Variants in TBCK observed in about 807,000 individuals in gnomAD.
TBCK encodes TBC domain-containing protein kinase-like protein.
TBCK carries 99 observed loss-of-function variants against 113.4 expected under a neutral mutation model. That is an observed-to-expected ratio of 0.87 (90% CI 0.74 to 1.03). The LOEUF (loss-of-function observed/expected upper bound fraction) is 1.03. TBCK is among the 50% of genes least tolerant of loss of function. TBCK has a pLI of 0.00. For synonymous variants in TBCK, 369 were observed against 370.8 expected (o/e 1.00, Z 0.05); for missense variants, 1,045 against 1,061.3 (o/e 0.98, Z 0.21).
chr4:106,316,356 C>G (rs1225146992), upstream of TBCK: 4 of 580,246 alleles, frequency 6.9e-6, no homozygotes, highest in South Asian at 2.1e-5. Context: ...TGCGGGGGGA[C>G]GGGGGGGGTC....
At chr4:106,207,747 C>A (rs1755692425) in intron 20 of TBCK, among the ~76,000 whole-genome samples, 1 of 152,020 alleles carries the variant, frequency 6.6e-6, no homozygotes, top group Non-Finnish European at 1.5e-5. Flanking sequence ...AATTAAAAAA[C>A]AAACACAAAG....
chr4:106,211,147 T>C (rs1026572007), intron 20 of TBCK, among the ~76,000 whole-genome samples: 2 of 152,128 alleles, frequency 1.3e-5, no homozygotes, highest in Non-Finnish European at 2.9e-5. Context: ...ATTAGGTGCC[T>C]TTACAAAAAT....
At chr4:106,154,332 A>T (rs1324744876) in intron 23 of TBCK, among the ~76,000 whole-genome samples, 1 of 152,166 alleles carries the variant, frequency 6.6e-6, no homozygotes, top group Non-Finnish European at 1.5e-5. Flanking sequence ...TGAACAAGCA[A>T]AAAGAAAATT....
intron 23 of TBCK, among the ~76,000 whole-genome samples, chr4:106,135,088 G>A (rs181019597): frequency 1.1e-3 from 174 of 152,186 alleles, no homozygotes; most frequent in Non-Finnish European, 2.1e-3. Context: ...TTGACAAATA[G>A]TTGATGAACT....
At chr4:106,064,589 AGTTT>A (rs1174184802) in intron 25 of TBCK, among the ~76,000 whole-genome samples, 8 of 151,928 alleles carry the variant, frequency 5.3e-5, no homozygotes, top group African/African-American at 1.9e-4. Flanking sequence ...AGATTCCTCC[AGTTT>A]CTTTTGTAGA....
upstream of TBCK, chr4:106,316,440 A>C: frequency 9.0e-7 from 1 of 1,114,116 alleles, no homozygotes; most frequent in Non-Finnish European, 1.3e-6. Flanking sequence ...GAGCACAGGA[A>C]GAGGAAGAAA....
Position 106,141,610 on chromosome 4 carries a change from CAAATA to C in TBCK, c.2236-25237_2236-25233del, listed in dbSNP as rs1747150560. 6.4e-5 allele frequency among the ~76,000 whole-genome samples: 9 copies of C among 139,664 alleles called. 2 individuals carry two copies. The South Asian group carries it at 2.2e-3, about 34-fold the overall frequency. 91.6% of individuals were successfully genotyped at this position (139,664 alleles called of 152,430 possible). On this transcript the variant is annotated intron_variant, in intron 23 of 25. Coordinates refer to ENST00000394708, the MANE Select transcript of TBCK (RefSeq NM_001163435.3). ...AATCTTTCTATGTATCAAAAACAAT[CAAATA>C]AAATGTAATGAAATAAGATATCCCA... is the stretch of plus-strand genomic sequence containing the variant.
chr4:106,091,560 T>C (rs1304929776), intron 25 of TBCK, among the ~76,000 whole-genome samples: 1 of 152,084 alleles, frequency 6.6e-6, no homozygotes, highest in Non-Finnish European at 1.5e-5. Context: ...CGCTGGCTCA[T>C]GAGTGAAGCT....
chr4:106,068,675 C>G (rs572680685), intron 25 of TBCK, among the ~76,000 whole-genome samples: 12 of 152,246 alleles, frequency 7.9e-5, no homozygotes, highest in Non-Finnish European at 1.5e-4. Context: ...GTAATGGGAT[C>G]ACTGGGTCAA....
chr4:106,093,821 CTAAAA>C (rs36202124), intron 25 of TBCK, among the ~76,000 whole-genome samples: 42,158 of 151,530 alleles, frequency 0.28, 6,068 homozygotes, highest in Non-Finnish European at 0.33. Context: ...ATCCCTGAAC[CTAAAA>C]TAAAAGTTAA....
chr4:106,241,824 ATTAC>A (rs946735890), intron 12 of TBCK, among the ~76,000 whole-genome samples: 4 of 152,094 alleles, frequency 2.6e-5, no homozygotes, highest in African/African-American at 9.6e-5. Context: ...TAACCTTGCT[ATTAC>A]TTTAAATAAG....
chr4:106,119,156 T>A (rs1394129890), intron 23 of TBCK, among the ~76,000 whole-genome samples: 1 of 152,222 alleles, frequency 6.6e-6, no homozygotes, highest in African/African-American at 2.4e-5. Flanking sequence ...TTATTTAGTA[T>A]TATAGATATT....
At chr4:106,200,670 CTATT>C (rs933040156) in intron 20 of TBCK, among the ~76,000 whole-genome samples, 1 of 151,812 alleles carries the variant, frequency 6.6e-6, no homozygotes, top group Non-Finnish European at 1.5e-5. Flanking sequence ...TCATTATTGT[CTATT>C]TACTCTAGAA....
intron 25 of TBCK, among the ~76,000 whole-genome samples, chr4:106,054,790 G>A (rs188484163): frequency 6.6e-6 from 1 of 151,770 alleles, no homozygotes; most frequent in African/African-American, 2.4e-5. Context: ...GGAGGAGGCA[G>A]AAAGGATTTT....
At chr4:106,070,918 A>G (rs1049881046) in intron 25 of TBCK, among the ~76,000 whole-genome samples, 2 of 152,188 alleles carry the variant, frequency 1.3e-5, no homozygotes, top group East Asian at 1.9e-4. Context: ...TAGATTTTCT[A>G]GTTTATTTGT....
chr4:106,096,695 G>A (rs1223788291), intron 24 of TBCK, among the ~76,000 whole-genome samples: 1 of 152,150 alleles, frequency 6.6e-6, no homozygotes, highest in African/African-American at 2.4e-5. Flanking sequence ...GATGGTGGAG[G>A]GGAGGGTGAT....
intron 2 of TBCK, among the ~76,000 whole-genome samples, chr4:106,305,282 C>G (rs1281651315): frequency 6.7e-6 from 1 of 149,616 alleles, no homozygotes; most frequent in African/African-American, 2.4e-5. Flanking sequence ...ACATAAATGT[C>G]TTTTTAAATT....
At chr4:106,203,562 T>C (rs77282197) in intron 20 of TBCK, among the ~76,000 whole-genome samples, 3,127 of 151,816 alleles carry the variant, frequency 0.021, 55 homozygotes, top group Admixed American at 0.033. Flanking sequence ...AAGAAACAAA[T>C]AAAAAATAAC....
chr4:106,211,939 T>G (rs931160897), intron 20 of TBCK, among the ~76,000 whole-genome samples: 1 of 152,116 alleles, frequency 6.6e-6, no homozygotes, highest in African/African-American at 2.4e-5. Context: ...TATCAATAAT[T>G]TTTAATAAAG....
Sources: allele counts gnomAD v4.1 joint callset (sites outside exome capture counted in the v4.1 genomes callset), GRCh38; gene constraint gnomAD v4.1.1; transcripts MANE v1.5; gene names NCBI Gene and HGNC (gene_info 2026-07-23, HGNC 2026-07-21).